Variants in ZNF324B observed in about 807,000 individuals in gnomAD.
ZNF324B encodes the protein zinc finger protein 324B.
ZNF324B carries 7 observed loss-of-function variants against 10.6 expected under a neutral mutation model. The ratio of observed to expected loss-of-function variants is 0.66; its 90% CI spans 0.38 to 1.24. ZNF324B has a LOEUF of 1.24. ZNF324B is among the 50% of genes most tolerant of loss of function. ZNF324B has a pLI of 0.02. For missense variants in ZNF324B, 640 were observed against 764.7 expected (o/e 0.84, Z 1.92); for synonymous variants, 316 against 321.0 (o/e 0.98, Z 0.17).
At chr19:58,453,250 C>CA in intron 1 of ZNF324B, 1 of 222,730 alleles carries the variant, frequency 4.5e-6, no homozygotes, top group Non-Finnish European at 9.0e-6. Flanking sequence ...GCTGGATGAG[C>CA]AGCCTGGAAA....
At chr19:58,440,207 G>T in the ZNF324B span, 4 of 286,026 alleles carry the variant, frequency 1.4e-5, no homozygotes, top group Non-Finnish European at 2.6e-5. Flanking sequence ...CCACTGGTCC[G>T]AGCTTTCATT....
the ZNF324B span, chr19:58,430,404 C>T: frequency 6.6e-6 from 1 of 152,260 alleles, no homozygotes; most frequent in Admixed American, 6.5e-5. Context: ...TAATTTGTTA[C>T]ACAGCAATAG....
intron 1 of ZNF324B, 161 bp downstream of exon 1, chr19:58,451,865 G>C (rs1303823715): frequency 1.6e-5 from 4 of 252,404 alleles, no homozygotes; most frequent in Non-Finnish European, 3.2e-5. Context: ...CATGACTGCC[G>C]GGCAGGCTGA....
the ZNF324B span, among the ~76,000 whole-genome samples, chr19:58,438,730 C>T: frequency 2.0e-5 from 3 of 151,644 alleles, no homozygotes; most frequent in African/African-American, 2.4e-5. Context: ...GCCTCGGCCT[C>T]CCAAAGTGCT....
At chr19:58,453,876 TCTTCA>T (rs2052886853) in intron 2 of ZNF324B, 54 bp downstream of exon 2, 3 of 1,584,144 alleles carry the variant, frequency 1.9e-6, no homozygotes, top group African/African-American at 1.3e-5. Context: ...CAGGACTGCC[TCTTCA>T]CTTCCCTCCT....
At chr19:58,443,481 A>T in the ZNF324B span, 1 of 152,220 alleles carries the variant, frequency 6.6e-6, no homozygotes, top group African/African-American at 2.4e-5. Context: ...TGGTCCCTGC[A>T]CCCACTCCCA....
chr19:58,439,980 T>G, the ZNF324B span: 4 of 686,642 alleles, frequency 5.8e-6, no homozygotes, highest in Non-Finnish European at 9.6e-6. Flanking sequence ...TGGAGACGCG[T>G]GGCGCTGGCT....
chr19:58,427,452 C>CCCTTCCTTCCTTCCTTCCTT, the ZNF324B span, among the ~76,000 whole-genome samples: 2 of 47,060 alleles, frequency 4.2e-5, no homozygotes, highest in East Asian at 1.3e-3. Context: ...CCTTTCCTTT[C>CCCTTCCTTCCTTCCTTCCTT]CCTTCCTTCC....
At chr19:58,445,416 C>T in the ZNF324B span, 79 of 518,874 alleles carry the variant, frequency 1.5e-4, 3 homozygotes, top group South Asian at 8.8e-4. Flanking sequence ...GGGAGAGCAT[C>T]GGCCACAGCT....
rs151099423 is a variant in ZNF324B, at chr19:58,455,393, G to C, written c.449G>C (p.Gly150Ala). The change falls in exon 4 of 4, where the codon GGC becomes GCC. Residue 150 changes from glycine (G) to alanine (A), a missense_variant. Physicochemically the swap from Gly to Ala is moderately conservative, Grantham distance 60. Around this residue, in one of 3 missense-constraint regions of ZNF324B, gnomAD observed 345 missense variants for 387.9 expected, o/e 0.89. Coordinates refer to ENST00000336614, the MANE Select transcript of ZNF324B (RefSeq NM_207395.3). The surrounding 1 kb of genome is among the most constrained non-coding windows in gnomAD (Gnocchi z 7.0). ...ATCTACTGGGAGAGGCTCCTGCTAG[G>C]CTCGCGCAGTGACCAGGCCAGCATC... is the stretch of plus-strand genomic sequence containing the variant. ...SVIYWERLLLGSRSDQASISL... is the reference protein window; with the variant it reads ...SVIYWERLLLASRSDQASISL... 233 of 1,614,194 alleles carry C rather than the reference G, an allele frequency of 1.4e-4. 1 individual carries two copies. In the South Asian group the frequency reaches 1.7e-3, roughly 11 times the overall value.
upstream of ZNF324B, among the ~76,000 whole-genome samples, chr19:58,448,183 T>C (rs2052836138): frequency 6.6e-6 from 1 of 152,220 alleles, no homozygotes; most frequent in African/African-American, 2.4e-5. Context: ...TGGAACAGTT[T>C]GGAAGCCTCA....
At chr19:58,443,708 C>T in the ZNF324B span, 1 of 152,280 alleles carries the variant, frequency 6.6e-6, no homozygotes, top group Admixed American at 6.5e-5. Flanking sequence ...CATTCCCTCA[C>T]TCTAGTAGGA....
upstream of ZNF324B, among the ~76,000 whole-genome samples, chr19:58,448,448 G>C (rs1265107839): frequency 3.9e-5 from 6 of 152,190 alleles, no homozygotes; most frequent in Non-Finnish European, 7.3e-5. Flanking sequence ...ATCTGGTCCG[G>C]GTGCAGTGGC....
chr19:58,429,680 G>C, the ZNF324B span: 1 of 152,226 alleles, frequency 6.6e-6, no homozygotes, highest in Non-Finnish European at 1.5e-5. Context: ...ACCTTTTCTG[G>C]AAAGCTCCAG....
the ZNF324B span, among the ~76,000 whole-genome samples, chr19:58,420,206 C>T: frequency 6.6e-6 from 1 of 152,098 alleles, no homozygotes; most frequent in African/African-American, 2.4e-5. Flanking sequence ...ATCATGAGGT[C>T]AGGAGATCGA....
the ZNF324B span, chr19:58,443,080 T>C: frequency 6.6e-6 from 1 of 152,250 alleles, no homozygotes; most frequent in Non-Finnish European, 1.5e-5. Flanking sequence ...AGAGTGCTGA[T>C]TGGTGAGTTT....
chr19:58,455,126 G>A lies in ZNF324B; in HGVS notation c.239-57G>A. On this transcript the variant is annotated intron_variant, in intron 3 of 3. Coordinates refer to ENST00000336614, the MANE Select transcript of ZNF324B (RefSeq NM_207395.3). The surrounding 1 kb of genome is among the most constrained non-coding windows in gnomAD (Gnocchi z 7.0). ...TCCCCCTTGCCTGTCCACTCAGCCT[G>A]CCCTGGTCCTCTCCTAACCAGGATG... 2 of 1,611,222 alleles carry A rather than the reference G, an allele frequency of 1.2e-6. No individual in the cohort carries two copies. The highest frequency in any genetic ancestry group is 1.7e-6 in the Non-Finnish European group (2 of 1,178,190).
chr19:58,440,282 T>C, the ZNF324B span: 1 of 187,266 alleles, frequency 5.3e-6, no homozygotes, highest in Non-Finnish European at 1.1e-5. Context: ...TGCTAGGTCG[T>C]TGCCAAGGTG....
the ZNF324B span, among the ~76,000 whole-genome samples, chr19:58,438,384 A>T: frequency 6.6e-6 from 1 of 152,112 alleles, no homozygotes; most frequent in African/African-American, 2.4e-5. Context: ...GGACATCTCA[A>T]ATACAACATG....
Sources: allele counts gnomAD v4.1 joint callset (sites outside exome capture counted in the v4.1 genomes callset), GRCh38; gene constraint gnomAD v4.1.1; regional missense constraint gnomAD v4.1.1; non-coding constraint Gnocchi (gnomAD v3.1); transcripts MANE v1.5; gene names NCBI Gene and HGNC (gene_info 2026-07-23, HGNC 2026-07-21).